The following ANKFN1 variants were observed in gnomAD, a reference collection of about 807,000 sequenced individuals.
The protein encoded by ANKFN1 is ankyrin repeat and fibronectin type III domain containing 1, also known as ankyrin repeat and fibronectin type-III domain-containing protein 1.
A neutral mutation model predicts 108.7 loss-of-function variants in ANKFN1; 74 were observed. The observed-to-expected ratio is 0.68, with a 90% CI of 0.56 to 0.83. The LOEUF is 0.83. ANKFN1 is among the 40% of genes least tolerant of loss of function. The pLI is 0.00. For missense variants in ANKFN1, 1,505 were observed against 1,382.3 expected (o/e 1.09, Z -1.41); for synonymous variants, 547 against 516.2 (o/e 1.06, Z -0.81).
At chr17:56,495,342 A>T (rs913812273) in intron 19 of ANKFN1, among the ~76,000 whole-genome samples, 169 of 143,842 alleles carry the variant, frequency 1.2e-3, no homozygotes, top group African/African-American at 3.9e-3. Flanking sequence ...TCTCTCACTC[A>T]CTCACTCACT....
chr17:56,293,006 G>T (rs2044405340), intron 3 of ANKFN1, among the ~76,000 whole-genome samples: 1 of 152,032 alleles, frequency 6.6e-6, no homozygotes, highest in South Asian at 2.1e-4. Flanking sequence ...TTTATTTCAT[G>T]CCCATTTATA....
At chr17:56,403,110 G>A (rs1377805899) in intron 8 of ANKFN1, among the ~76,000 whole-genome samples, 1 of 152,000 alleles carries the variant, frequency 6.6e-6, no homozygotes, top group Non-Finnish European at 1.5e-5. Flanking sequence ...TCATTTTATG[G>A]CCTATAATAT....
intron 8 of ANKFN1, among the ~76,000 whole-genome samples, chr17:56,433,569 CT>C (rs1434757799): frequency 6.6e-6 from 1 of 151,960 alleles, no homozygotes; most frequent in Non-Finnish European, 1.5e-5. Context: ...AAGTGAAGTA[CT>C]CAGAAATGGA....
At chr17:56,187,880 A>T (rs1215282677) in intron 1 of ANKFN1, among the ~76,000 whole-genome samples, 1 of 151,964 alleles carries the variant, frequency 6.6e-6, no homozygotes, top group East Asian at 1.9e-4. Flanking sequence ...GGAATTGAAC[A>T]ATGAGAACAC....
intron 1 of ANKFN1, among the ~76,000 whole-genome samples, chr17:56,197,283 G>C (rs1030635926): frequency 6.6e-6 from 1 of 152,142 alleles, no homozygotes; most frequent in Non-Finnish European, 1.5e-5. Context: ...ATCGATTACA[G>C]TGGAACTTAG....
chr17:56,219,253 ATT>A (rs35800121), intron 2 of ANKFN1, among the ~76,000 whole-genome samples: 2 of 148,858 alleles, frequency 1.3e-5, no homozygotes, highest in African/African-American at 2.5e-5. Flanking sequence ...TTGTTTGTTT[ATT>A]TTTTTTTTTG....
At chr17:56,094,347 T>C (rs1905475395) in intron 4 of ANKFN1, among the ~76,000 whole-genome samples, 1 of 151,168 alleles carries the variant, frequency 6.6e-6, no homozygotes, top group South Asian at 2.1e-4. Context: ...AGAGTAAAAT[T>C]ATGATTTTCA....
intron 19 of ANKFN1, among the ~76,000 whole-genome samples, chr17:56,492,926 G>A (rs2051088230): frequency 6.6e-6 from 1 of 152,140 alleles, no homozygotes; most frequent in Non-Finnish European, 1.5e-5. Flanking sequence ...AAGGGGTACT[G>A]ACTAGTAATC....
At chr17:56,107,745 C>T (rs1905778737) in intron 4 of ANKFN1, among the ~76,000 whole-genome samples, 2 of 152,186 alleles carry the variant, frequency 1.3e-5, no homozygotes, top group African/African-American at 4.8e-5. Context: ...CTGGTAACTC[C>T]TACTCTTTTC....
intron 3 of ANKFN1, among the ~76,000 whole-genome samples, chr17:56,237,806 G>A (rs1917267782): frequency 6.6e-6 from 1 of 151,232 alleles, no homozygotes; most frequent in Non-Finnish European, 1.5e-5. Flanking sequence ...GTTATTTCTT[G>A]TCTTCTGCTA....
At chr17:56,225,402 C>T (rs1916193741) in intron 2 of ANKFN1, among the ~76,000 whole-genome samples, 2 of 152,192 alleles carry the variant, frequency 1.3e-5, no homozygotes, top group South Asian at 4.1e-4. Flanking sequence ...CCAAATTAGA[C>T]TTCCTGGACC....
chr17:56,128,922 A>C (rs1907100312), intron 4 of ANKFN1, among the ~76,000 whole-genome samples: 1 of 152,190 alleles, frequency 6.6e-6, no homozygotes, highest in Non-Finnish European at 1.5e-5. Context: ...ATAAACACTG[A>C]AGCTGCCTGC....
Position 56,511,395 on chromosome 17 carries a change from G to A in ANKFN1, c.*126G>A. On this transcript the variant is annotated 3_prime_UTR_variant, in exon 21 of 21. Coordinates refer to ENST00000682825, the MANE Select transcript of ANKFN1 (RefSeq NM_001370326.1). Reference sequence around the variant, plus strand: ...CGTTTTGAATGTTATAAATACAAAGGTTACAAGTTCAAGGTCCTCTTTTTT... The same window carrying A: ...CGTTTTGAATGTTATAAATACAAAGATTACAAGTTCAAGGTCCTCTTTTTT... The A allele has an allele frequency of 2.7e-6, 3 of 1,103,558 alleles. No individual in the cohort carries two copies. The highest frequency in any genetic ancestry group is 3.8e-6 in the Non-Finnish European group (3 of 799,292). 68.4% of individuals were successfully genotyped at this position (1,103,558 alleles called of 1,614,324 possible).
chr17:56,308,957 G>C (rs1347761413), intron 3 of ANKFN1, among the ~76,000 whole-genome samples: 1 of 152,104 alleles, frequency 6.6e-6, no homozygotes, highest in African/African-American at 2.4e-5. Flanking sequence ...ATATGTTTCT[G>C]AATTCTATTT....
At chr17:56,085,247 T>C (rs1426694079) in intron 4 of ANKFN1, among the ~76,000 whole-genome samples, 4 of 149,420 alleles carry the variant, frequency 2.7e-5, no homozygotes, top group Non-Finnish European at 3.0e-5. Context: ...AATGTGACCT[T>C]ATTTGAAAAA....
At chr17:56,130,555 G>A (rs1907221486) in intron 4 of ANKFN1, among the ~76,000 whole-genome samples, 1 of 151,966 alleles carries the variant, frequency 6.6e-6, no homozygotes, top group Non-Finnish European at 1.5e-5. Flanking sequence ...ATTTATACTA[G>A]ATCAGCAGTG....
At chr17:56,178,365 C>T (rs980563195) in intron 1 of ANKFN1, among the ~76,000 whole-genome samples, 2 of 152,140 alleles carry the variant, frequency 1.3e-5, no homozygotes, top group Non-Finnish European at 2.9e-5. Context: ...CGTAAAGTTC[C>T]CAATATAATT....
chr17:56,367,607 C>T (rs377088293), intron 6 of ANKFN1, among the ~76,000 whole-genome samples: 292 of 152,264 alleles, frequency 1.9e-3, no homozygotes, highest in African/African-American at 6.6e-3. Flanking sequence ...GGACTGCTTA[C>T]CACACAGTCA....
chr17:56,151,747 C>G (rs1908631300), upstream of ANKFN1, among the ~76,000 whole-genome samples: 2 of 152,164 alleles, frequency 1.3e-5, no homozygotes, highest in South Asian at 4.2e-4. Flanking sequence ...TTCCGTTACT[C>G]TCAGCTACAC....
Sources: gnomAD v4.1 joint callset for allele counts (sites outside exome capture counted in the v4.1 genomes callset) on GRCh38, gnomAD v4.1.1 for gene constraint, MANE v1.5 for transcripts, NCBI Gene and HGNC (gene_info 2026-07-23, HGNC 2026-07-21) for gene names.